TMEM150C: variants seen among roughly 807,000 people sequenced by gnomAD.
TMEM150C encodes the protein tentonin 3.
TMEM150C carries 10 observed loss-of-function variants against 29.9 expected under a neutral mutation model. That is an observed-to-expected ratio of 0.33 (90% CI 0.21 to 0.57). TMEM150C has a LOEUF of 0.57. Ranked by LOEUF, TMEM150C falls within the 20% of genes least tolerant of loss-of-function variation. The probability of loss-of-function intolerance (pLI) is 0.88; values close to 1 mark genes in which losing one functional copy is unlikely to be tolerated. For synonymous variants in TMEM150C, 101 were observed against 112.5 expected, an observed-to-expected ratio of 0.90 and a Z score of 0.64; for missense variants, 251 against 303.6, an observed-to-expected ratio of 0.83 and a Z score of 1.29.
intron 1 of TMEM150C, among the ~76,000 whole-genome samples, chr4:82,530,111 G>A (rs1432389077): frequency 6.6e-6 from 1 of 151,474 alleles, no homozygotes; most frequent in Non-Finnish European, 1.5e-5. Context: ...TCTCTAGAGA[G>A]AGAGAGTGAG....
chr4:82,504,962 G>A (rs1223219861), intron 1 of TMEM150C, among the ~76,000 whole-genome samples: 2 of 152,116 alleles, frequency 1.3e-5, no homozygotes, highest in African/African-American at 4.8e-5. Context: ...CCTAGGAGGC[G>A]GAGCTTGCAG....
chr4:82,549,885 G>C (rs936150197), intron 1 of TMEM150C, among the ~76,000 whole-genome samples: 1 of 152,090 alleles, frequency 6.6e-6, no homozygotes, highest in African/African-American at 2.4e-5. Flanking sequence ...AGCAGAGAGA[G>C]GTACAGGACC....
At chr4:82,529,582 C>T (rs889672749) in intron 1 of TMEM150C, among the ~76,000 whole-genome samples, 3 of 152,144 alleles carry the variant, frequency 2.0e-5, no homozygotes, top group African/African-American at 7.2e-5. Flanking sequence ...GCCACTATGC[C>T]CACCTGTAAG....
rs6831417 is a variant in TMEM150C at position 82,491,049 on chromosome 4, C to T, written c.364-811G>A. 1.9e-3 allele frequency: 1,406 copies of T among 729,418 alleles called. 17 individuals carry two copies. In the African/African-American group the frequency reaches 0.021, roughly 11 times the overall value. The allele number at this position is 729,418 out of a possible 1,614,324, so 45.2% of individuals were successfully genotyped here. On this transcript the variant is annotated intron_variant, in intron 6 of 7. Coordinates refer to ENST00000449862, the MANE Select transcript of TMEM150C (RefSeq NM_001080506.3). ...GGTGCAGGTCTTCCTGTGGACTAGA[C>T]GTCCCAGTCTTGCCTTCCTCTTGAT...
intron 1 of TMEM150C, among the ~76,000 whole-genome samples, chr4:82,515,291 A>C (rs1724255724): frequency 6.6e-6 from 1 of 152,226 alleles, no homozygotes; most frequent in Non-Finnish European, 1.5e-5. Flanking sequence ...AGGTTTTATA[A>C]ATATGCGCAC....
At chr4:82,532,730 C>CTTT (rs879674239) in intron 1 of TMEM150C, among the ~76,000 whole-genome samples, 2 of 139,998 alleles carry the variant, frequency 1.4e-5, no homozygotes, top group Non-Finnish European at 1.6e-5. Flanking sequence ...GTCAAGTAAA[C>CTTT]TTTTTTTTTT....
chr4:82,489,612 T>C, intron 7 of TMEM150C, among the ~76,000 whole-genome samples: 1 of 152,252 alleles, frequency 6.6e-6, no homozygotes, highest in Middle Eastern at 3.4e-3. Context: ...CAGAAAAGCT[T>C]CATTATTTTC....
At chr4:82,491,959 T>C (rs1723366242) in intron 6 of TMEM150C, among the ~76,000 whole-genome samples, 1 of 151,948 alleles carries the variant, frequency 6.6e-6, no homozygotes, top group South Asian at 2.1e-4. Context: ...GTTTTTTTTT[T>C]TGAGACGGAG....
chr4:82,537,379 A>C (rs913002207), intron 1 of TMEM150C, among the ~76,000 whole-genome samples: 6 of 152,256 alleles, frequency 3.9e-5, no homozygotes, highest in African/African-American at 1.4e-4. Context: ...GGTAATACTT[A>C]ATGCAGGCAA....
chr4:82,512,292 A>G (rs1724151692), intron 1 of TMEM150C, among the ~76,000 whole-genome samples: 1 of 152,254 alleles, frequency 6.6e-6, no homozygotes, highest in Non-Finnish European at 1.5e-5. Flanking sequence ...CAACATACTG[A>G]GAATGGCAGA....
intron 5 of TMEM150C, among the ~76,000 whole-genome samples, chr4:82,502,058 T>C (rs545278512): frequency 4.6e-5 from 7 of 152,168 alleles, no homozygotes; most frequent in African/African-American, 1.7e-4. Context: ...ACAAGGTAGA[T>C]TAGAAAAAGG....
intron 1 of TMEM150C, among the ~76,000 whole-genome samples, chr4:82,532,734 T>TC (rs1724885928): frequency 6.6e-6 from 1 of 151,656 alleles, no homozygotes. Context: ...AGTAAACTTT[T>TC]TTTTTTTTTT....
chr4:82,485,610 A>G lies in TMEM150C; in HGVS notation c.651T>C (p.His217=), dbSNP rs1723135118. 2 of 1,611,116 alleles carry G rather than the reference A, an allele frequency of 1.2e-6. No homozygotes were observed. Among genetic ancestry groups the G allele is most frequent in the Non-Finnish European group, 1.7e-6 (2 of 1,178,790 alleles). ...CAGAGCAAACAATCTCATAGCGGTAATGCCGGAACTCCACGGCAAAGGTGC... is the reference window on the plus strand; with the variant it reads ...CAGAGCAAACAATCTCATAGCGGTAGTGCCGGAACTCCACGGCAAAGGTGC... ...YFGTFAVEFR[H]YRYEIVCSEY... The change falls in exon 8 of 8, where the codon CAT becomes CAC. Residue 217 remains histidine, a synonymous_variant. Transcript: ENST00000449862.
At chr4:82,495,565 C>A in intron 6 of TMEM150C, 1 of 351,956 alleles carries the variant, frequency 2.8e-6, no homozygotes, top group Non-Finnish European at 5.6e-6. Context: ...TGAGAATGCT[C>A]AGATTGGCAT....
At chr4:82,520,647 A>G (rs1470930132) in intron 1 of TMEM150C, among the ~76,000 whole-genome samples, 1 of 152,210 alleles carries the variant, frequency 6.6e-6, no homozygotes, top group Non-Finnish European at 1.5e-5. Flanking sequence ...TTATACCAGC[A>G]CGGAGGTGGG....
intron 1 of TMEM150C, among the ~76,000 whole-genome samples, chr4:82,515,594 G>A (rs60599582): frequency 3.3e-5 from 5 of 151,920 alleles, no homozygotes; most frequent in Non-Finnish European, 5.9e-5. Context: ...AAAATTAGCC[G>A]GGCATGGTGG....
At chr4:82,524,256 T>A (rs953597403) in intron 1 of TMEM150C, among the ~76,000 whole-genome samples, 1 of 152,052 alleles carries the variant, frequency 6.6e-6, no homozygotes, top group Non-Finnish European at 1.5e-5. Context: ...ACACAGCAAC[T>A]AAAACATGAC....
At chr4:82,542,495 T>A (rs2110088360) in intron 1 of TMEM150C, among the ~76,000 whole-genome samples, 1 of 152,252 alleles carries the variant, frequency 6.6e-6, no homozygotes, top group African/African-American at 2.4e-5. Context: ...GGAGACCTTG[T>A]GAAAGTGAAG....
At chr4:82,549,251 G>GTA (rs1403897303) in intron 1 of TMEM150C, among the ~76,000 whole-genome samples, 2 of 152,062 alleles carry the variant, frequency 1.3e-5, no homozygotes, top group East Asian at 1.9e-4. Flanking sequence ...TTGAAATGTG[G>GTA]TATATATACT....
Sources: allele counts gnomAD v4.1 joint callset (sites outside exome capture counted in the v4.1 genomes callset), GRCh38; gene constraint gnomAD v4.1.1; transcripts MANE v1.5; gene names NCBI Gene and HGNC (gene_info 2026-07-23, HGNC 2026-07-21).